The following SLC24A2 variants were observed in gnomAD, a reference collection of about 807,000 sequenced individuals.
SLC24A2 encodes the protein solute carrier family 24 member 2.
Under a neutral mutation model 62.0 loss-of-function variants are expected in SLC24A2, and 36 were observed. The observed-to-expected ratio is 0.58, with a 90% CI of 0.44 to 0.77. SLC24A2 has a LOEUF of 0.77. Ranked by LOEUF, SLC24A2 falls within the 30% of genes least tolerant of loss-of-function variation. The probability of loss-of-function intolerance (pLI) is 0.00; values close to 1 mark genes in which losing one functional copy is unlikely to be tolerated. For missense variants in SLC24A2, 846 were observed against 817.9 expected (o/e 1.03, Z -0.42); for synonymous variants, 358 against 294.0 (o/e 1.22, Z -2.23).
At chr9:19,667,521 G>A (rs1819289829) in intron 2 of SLC24A2, among the ~76,000 whole-genome samples, 1 of 152,130 alleles carries the variant, frequency 6.6e-6, no homozygotes, top group Admixed American at 6.6e-5. Flanking sequence ...CCTGGACCAA[G>A]TGTTCTTGAA....
the SLC24A2 span, among the ~76,000 whole-genome samples, chr9:19,875,695 T>A: frequency 6.6e-6 from 1 of 152,184 alleles, no homozygotes; most frequent in East Asian, 1.9e-4. Context: ...TGAAAATCAG[T>A]TGTGAACTAC....
intron 5 of SLC24A2, among the ~76,000 whole-genome samples, chr9:19,583,197 C>T (rs1398641278): frequency 3.3e-5 from 5 of 152,170 alleles, no homozygotes; most frequent in African/African-American, 1.2e-4. Context: ...CCACGCTGGT[C>T]TCTTTGCTGT....
upstream of SLC24A2, among the ~76,000 whole-genome samples, chr9:19,792,719 G>T (rs1209356525): frequency 7.1e-6 from 1 of 141,362 alleles, no homozygotes; most frequent in Non-Finnish European, 1.6e-5. Context: ...AAAAAAAAAA[G>T]ATAGGATAGC....
At chr9:20,296,159 A>AGATG in the SLC24A2 span, among the ~76,000 whole-genome samples, 1 of 152,258 alleles carries the variant, frequency 6.6e-6, no homozygotes, top group African/African-American at 2.4e-5. Flanking sequence ...AGCAATATCC[A>AGATG]GACTCTCAGA....
At chr9:20,101,306 A>G in the SLC24A2 span, among the ~76,000 whole-genome samples, 2 of 152,216 alleles carry the variant, frequency 1.3e-5, no homozygotes, top group African/African-American at 2.4e-5. Flanking sequence ...TGAGAATTGG[A>G]CTTACTATTC....
the SLC24A2 span, among the ~76,000 whole-genome samples, chr9:20,044,769 A>G: frequency 6.6e-6 from 1 of 152,292 alleles, no homozygotes; most frequent in Non-Finnish European, 1.5e-5. Flanking sequence ...TTCTTTGTAT[A>G]TAGGCCCTAA....
the SLC24A2 span, among the ~76,000 whole-genome samples, chr9:19,805,955 G>A: frequency 6.6e-6 from 1 of 151,792 alleles, no homozygotes; most frequent in Non-Finnish European, 1.5e-5. Context: ...CATGCTTGTT[G>A]AATGAATGAA....
At chr9:19,600,225 T>C (rs1420609933) in intron 4 of SLC24A2, among the ~76,000 whole-genome samples, 2 of 152,208 alleles carry the variant, frequency 1.3e-5, no homozygotes, top group Non-Finnish European at 2.9e-5. Flanking sequence ...CGATTGTAAA[T>C]GCTGCCCATT....
the SLC24A2 span, among the ~76,000 whole-genome samples, chr9:19,976,100 T>C: frequency 6.6e-6 from 1 of 152,144 alleles, no homozygotes; most frequent in Admixed American, 6.5e-5. Flanking sequence ...CCCAGGCTGG[T>C]CTTGAACTTT....
chr9:19,516,934 A>T lies in SLC24A2; in HGVS notation c.1737-532T>A, dbSNP rs1832958609. ...GGCCACGATACAATATCACAGGCTG[A>T]AGTTTATTCTGGGAAAGATGTTGAC... On this transcript the variant is annotated intron_variant, in intron 10 of 10. Coordinates refer to ENST00000341998, the MANE Select transcript of SLC24A2 (RefSeq NM_020344.4). Among the ~76,000 whole-genome samples the T allele has an allele frequency of 2.0e-5, 3 of 152,212 alleles. 1 individual carries two copies. In the South Asian group the frequency reaches 6.2e-4, roughly 32 times the overall value.
the SLC24A2 span, among the ~76,000 whole-genome samples, chr9:19,979,123 G>A: frequency 6.6e-6 from 1 of 152,150 alleles, no homozygotes; most frequent in African/African-American, 2.4e-5. Flanking sequence ...ATCTCTTTCT[G>A]GCAGCTTTTC....
chr9:19,833,337 G>A, the SLC24A2 span, among the ~76,000 whole-genome samples: 3 of 152,136 alleles, frequency 2.0e-5, no homozygotes, highest in Admixed American at 2.0e-4. Context: ...TAAAAGAAAG[G>A]GGTGACAGAC....
the SLC24A2 span, among the ~76,000 whole-genome samples, chr9:20,040,406 G>T: frequency 6.6e-6 from 1 of 152,194 alleles, no homozygotes; most frequent in Non-Finnish European, 1.5e-5. Context: ...GTGGGAAGGA[G>T]GGCTGGTTAA....
chr9:19,743,279 T>C (rs1821734669), intron 2 of SLC24A2, among the ~76,000 whole-genome samples: 1 of 152,220 alleles, frequency 6.6e-6, no homozygotes, highest in Non-Finnish European at 1.5e-5. Context: ...TCACTTCTAT[T>C]CATAGTGAAC....
At chr9:20,194,104 T>C in the SLC24A2 span, among the ~76,000 whole-genome samples, 6 of 152,146 alleles carry the variant, frequency 3.9e-5, no homozygotes, top group East Asian at 7.7e-4. Flanking sequence ...AAAACAAAAG[T>C]AAGCACTCCT....
At chr9:20,294,819 A>G in the SLC24A2 span, among the ~76,000 whole-genome samples, 1 of 152,058 alleles carries the variant, frequency 6.6e-6, no homozygotes, top group South Asian at 2.1e-4. Context: ...ACAAATGGCC[A>G]CCCAACATTG....
Position 19,511,347 on chromosome 9 carries a change from G to A in SLC24A2, c.*4806C>T, listed in dbSNP as rs2132605271. 1 of 152,044 alleles carries A rather than the reference G, an allele frequency of 6.6e-6. No individual in the cohort carries two copies. The highest frequency in any genetic ancestry group is 3.4e-3 in the Middle Eastern group (1 of 294). The allele number at this position is 152,044 out of a possible 1,614,324, so 9.4% of individuals were successfully genotyped here. On this transcript the variant is annotated 3_prime_UTR_variant, in exon 11 of 11. Coordinates refer to ENST00000341998, the MANE Select transcript of SLC24A2 (RefSeq NM_020344.4). ...GTAAATAGAAGGTGGAATAGGGCAG[G>A]GTTACTTTTCTTACCCAAGGTCTTC...
At chr9:19,604,896 A>T (rs886879602) in intron 4 of SLC24A2, among the ~76,000 whole-genome samples, 1 of 152,228 alleles carries the variant, frequency 6.6e-6, no homozygotes, top group Non-Finnish European at 1.5e-5. Flanking sequence ...CAATCACTCC[A>T]AATTATGAAT....
the SLC24A2 span, among the ~76,000 whole-genome samples, chr9:20,131,754 T>C: frequency 6.6e-6 from 1 of 152,142 alleles, no homozygotes; most frequent in Non-Finnish European, 1.5e-5. Context: ...CTAAATTTTC[T>C]TAATTTATAA....
Sources: gnomAD v4.1 joint callset for allele counts (sites outside exome capture counted in the v4.1 genomes callset) on GRCh38, gnomAD v4.1.1 for gene constraint, MANE v1.5 for transcripts, NCBI Gene and HGNC (gene_info 2026-07-23, HGNC 2026-07-21) for gene names.